The following CAMK1D variants were observed in gnomAD, a reference collection of about 807,000 sequenced individuals.
CAMK1D encodes calcium/calmodulin-dependent protein kinase type 1D.
In CAMK1D, 9 loss-of-function variants were observed where a neutral mutation model predicts 47.7. The observed-to-expected ratio is 0.19, with a 90% CI of 0.11 to 0.33. The LOEUF (loss-of-function observed/expected upper bound fraction) is 0.33. CAMK1D is among the 10% of genes least tolerant of loss of function. CAMK1D has a pLI of 1.00. For synonymous variants in CAMK1D, 184 were observed against 184.9 expected, an observed-to-expected ratio of 0.99 and a Z score of 0.04; for missense variants, 291 against 488.7, an observed-to-expected ratio of 0.60 and a Z score of 3.81.
At position 12,811,806 on chromosome 10, in the gene CAMK1D, G is replaced by A. The variant is rs535339506; in HGVS notation, c.642-2389G>A. ...TGAACTAACATTTTGCTCTGTCTGC[G>A]TTTCCTAATATGCACATTTCATTTT... On this transcript the variant is annotated intron_variant, in intron 6 of 10. Coordinates refer to ENST00000619168, the MANE Select transcript of CAMK1D (RefSeq NM_153498.4). 2.0e-4 allele frequency among the ~76,000 whole-genome samples: 31 copies of A among 152,228 alleles called. 1 individual carries two copies. Among genetic ancestry groups the A allele is most frequent in the African/African-American group, 4.1e-4 (17 of 41,526 alleles).
At chr10:12,540,802 G>A (rs945261121) in intron 1 of CAMK1D, among the ~76,000 whole-genome samples, 15 of 152,124 alleles carry the variant, frequency 9.9e-5, no homozygotes, top group Admixed American at 2.0e-4. Context: ...GTAAGAAAGC[G>A]TAACTATTTT....
chr10:12,400,178 A>T (rs76582210), intron 1 of CAMK1D, among the ~76,000 whole-genome samples: 1,682 of 152,310 alleles, frequency 0.011, 28 homozygotes, highest in African/African-American at 0.038. Context: ...GTAGGTTTTT[A>T]ACTCGGAATT....
intron 2 of CAMK1D, among the ~76,000 whole-genome samples, chr10:12,603,265 A>G (rs60029217): frequency 0.016 from 2,363 of 152,116 alleles, 54 homozygotes; most frequent in African/African-American, 0.054. Context: ...GCATGTCCGC[A>G]TTCCGGATTC....
At chr10:12,679,614 A>T (rs1190489219) in intron 3 of CAMK1D, among the ~76,000 whole-genome samples, 1 of 152,146 alleles carries the variant, frequency 6.6e-6, no homozygotes, top group Admixed American at 6.5e-5. Flanking sequence ...CCCCAACCAA[A>T]CTAATTTCCT....
chr10:12,764,244 G>A (rs545728769), intron 4 of CAMK1D, among the ~76,000 whole-genome samples: 49 of 152,218 alleles, frequency 3.2e-4, no homozygotes, highest in African/African-American at 1.1e-3. Context: ...AGCCAGGTGT[G>A]GTGGCAGGTG....
chr10:12,483,303 G>A (rs1333746383), intron 1 of CAMK1D, among the ~76,000 whole-genome samples: 1 of 152,024 alleles, frequency 6.6e-6, no homozygotes, highest in Non-Finnish European at 1.5e-5. Flanking sequence ...CTGGGCTCAA[G>A]CAGTCCTCCA....
At chr10:12,688,746 G>A (rs1300232076) in intron 3 of CAMK1D, among the ~76,000 whole-genome samples, 6 of 152,098 alleles carry the variant, frequency 3.9e-5, no homozygotes, top group South Asian at 4.2e-4. Flanking sequence ...GTGCAATGGC[G>A]CGATCTCAGC....
intron 5 of CAMK1D, among the ~76,000 whole-genome samples, chr10:12,789,486 A>T (rs992308405): frequency 6.6e-5 from 10 of 152,166 alleles, no homozygotes; most frequent in African/African-American, 2.2e-4. Flanking sequence ...TCTGAGGCTC[A>T]TTTTTCTCAC....
At chr10:12,819,249 C>CGGGAAG (rs1564586598) in intron 8 of CAMK1D, among the ~76,000 whole-genome samples, 1 of 152,210 alleles carries the variant, frequency 6.6e-6, no homozygotes, top group African/African-American at 2.4e-5. Context: ...AGGCTTGCCC[C>CGGGAAG]AGGCCAGCGG....
At chr10:12,547,647 C>A (rs200155086) in intron 1 of CAMK1D, among the ~76,000 whole-genome samples, 3 of 112,268 alleles carry the variant, frequency 2.7e-5, no homozygotes, top group African/African-American at 1.1e-4. Context: ...ACACCCCCCC[C>A]CCAACCCTGC....
intron 2 of CAMK1D, among the ~76,000 whole-genome samples, chr10:12,663,461 G>A (rs1009566827): frequency 1.1e-4 from 16 of 152,092 alleles, no homozygotes; most frequent in Admixed American, 9.2e-4. Context: ...CAGGATATAT[G>A]GGAAGAAGGT....
chr10:12,806,801 C>A (rs1240330328), intron 6 of CAMK1D, among the ~76,000 whole-genome samples: 3 of 152,216 alleles, frequency 2.0e-5, no homozygotes, highest in African/African-American at 7.2e-5. Context: ...AGCCAGCCAG[C>A]CATGCCAGGC....
intron 1 of CAMK1D, among the ~76,000 whole-genome samples, 196 bp from the exon 2 acceptor site, chr10:12,553,029 C>G (rs531190925): frequency 6.6e-6 from 1 of 152,198 alleles, no homozygotes; most frequent in African/African-American, 2.4e-5. Flanking sequence ...AGGCATGAGC[C>G]ACTGCGCCGG....
At chr10:12,643,459 G>T (rs1212908059) in intron 2 of CAMK1D, among the ~76,000 whole-genome samples, 1 of 152,110 alleles carries the variant, frequency 6.6e-6, no homozygotes, top group Non-Finnish European at 1.5e-5. Context: ...ATTTACAGCT[G>T]CTCCCCATCC....
At chr10:12,541,653 C>CCTGG (rs1564400889) in intron 1 of CAMK1D, among the ~76,000 whole-genome samples, 1 of 152,196 alleles carries the variant, frequency 6.6e-6, no homozygotes, top group African/African-American at 2.4e-5. Flanking sequence ...AGCCACTGCG[C>CCTGG]CCAGCTGACT....
intron 2 of CAMK1D, among the ~76,000 whole-genome samples, chr10:12,565,323 C>T (rs1009913688): frequency 1.3e-5 from 2 of 152,174 alleles, no homozygotes; most frequent in African/African-American, 4.8e-5. Context: ...CGACTCGGCC[C>T]ACTGCAACCT....
intron 3 of CAMK1D, among the ~76,000 whole-genome samples, chr10:12,712,760 A>G (rs974035991): frequency 1.3e-5 from 2 of 152,144 alleles, no homozygotes; most frequent in Admixed American, 6.5e-5. Context: ...CATTCAGTCC[A>G]TAACGGAGGG....
At chr10:12,763,525 A>G (rs763281078) in intron 4 of CAMK1D, among the ~76,000 whole-genome samples, 9 of 152,194 alleles carry the variant, frequency 5.9e-5, no homozygotes, top group Non-Finnish European at 1.0e-4. Context: ...TGGGTTTCTC[A>G]GCCCCTGCAC....
intron 2 of CAMK1D, among the ~76,000 whole-genome samples, chr10:12,592,923 T>A (rs369175023): frequency 6.6e-6 from 1 of 152,212 alleles, no homozygotes; most frequent in Non-Finnish European, 1.5e-5. Context: ...CCTGGCTCCC[T>A]CCTCTTCATC....
Sources: allele counts gnomAD v4.1 joint callset (sites outside exome capture counted in the v4.1 genomes callset), GRCh38; gene constraint gnomAD v4.1.1; transcripts MANE v1.5; gene names NCBI Gene and HGNC (gene_info 2026-07-23, HGNC 2026-07-21).